MICU2: variants seen among roughly 807,000 people sequenced by gnomAD.
MICU2 encodes the protein calcium uptake protein 2, mitochondrial.
Under a neutral mutation model 60.4 loss-of-function variants are expected in MICU2, and 64 were observed. The observed-to-expected ratio is 1.06, with a 90% CI of 0.87 to 1.31. MICU2 has a LOEUF of 1.31. MICU2 is among the 50% of genes most tolerant of loss of function. The probability of loss-of-function intolerance (pLI) is 0.00; values close to 1 mark genes in which losing one functional copy is unlikely to be tolerated. For missense variants in MICU2, 569 were observed against 531.0 expected, an observed-to-expected ratio of 1.07 and a Z score of -0.70; for synonymous variants, 201 against 175.0, an observed-to-expected ratio of 1.15 and a Z score of -1.17.
intron 1 of MICU2, among the ~76,000 whole-genome samples, chr13:21,586,265 T>C (rs1566169689): frequency 6.6e-6 from 1 of 152,222 alleles, no homozygotes; most frequent in Non-Finnish European, 1.5e-5. Context: ...TCCGTTTTTT[T>C]CTTTAAGCCT....
intron 1 of MICU2, among the ~76,000 whole-genome samples, chr13:21,569,734 G>A (rs1888064902): frequency 6.6e-6 from 1 of 150,838 alleles, no homozygotes; most frequent in African/African-American, 2.4e-5. Context: ...GCAGAGCAGG[G>A]TGCTAATATC....
At chr13:21,602,439 G>T (rs1007581574) in intron 1 of MICU2, among the ~76,000 whole-genome samples, 2 of 152,210 alleles carry the variant, frequency 1.3e-5, no homozygotes, top group East Asian at 1.9e-4. Context: ...GGAGAATGGC[G>T]TGAACCCGGG....
At chr13:21,519,736 C>T (rs1045300116) in intron 6 of MICU2, among the ~76,000 whole-genome samples, 1 of 152,166 alleles carries the variant, frequency 6.6e-6, no homozygotes, top group African/African-American at 2.4e-5. Flanking sequence ...CCAACATTTC[C>T]AAGCTCAGAG....
chr13:21,542,441 TA>T (rs2138005219), intron 2 of MICU2, among the ~76,000 whole-genome samples: 1 of 152,240 alleles, frequency 6.6e-6, no homozygotes, highest in African/African-American at 2.4e-5. Context: ...CAATGTAGGG[TA>T]GGGGGACACT....
intron 1 of MICU2, among the ~76,000 whole-genome samples, chr13:21,579,075 CA>C (rs1181792114): frequency 2.6e-5 from 4 of 152,124 alleles, no homozygotes; most frequent in Non-Finnish European, 5.9e-5. Context: ...AGTACATTAA[CA>C]GACTGTAATG....
chr13:21,577,804 C>CA (rs56200015), intron 1 of MICU2, among the ~76,000 whole-genome samples: 9,706 of 46,526 alleles, frequency 0.21, 1,165 homozygotes, highest in African/African-American at 0.31. Flanking sequence ...GACTCGGTCT[C>CA]AAAAAAAAAA....
chr13:21,525,686 CCTTTTCATGTG>C (rs1447095463), intron 4 of MICU2, among the ~76,000 whole-genome samples: 2 of 151,552 alleles, frequency 1.3e-5, no homozygotes. Flanking sequence ...ACGTTGAGTA[CCTTTTCATGTG>C]CTTTTCATGT....
chr13:21,554,773 G>A (rs1887660930), intron 2 of MICU2, among the ~76,000 whole-genome samples: 1 of 151,998 alleles, frequency 6.6e-6, no homozygotes, highest in Non-Finnish European at 1.5e-5. Flanking sequence ...TTGATAGACC[G>A]CTAGCAAGAC....
At chr13:21,554,742 T>G (rs1311851908) in intron 2 of MICU2, among the ~76,000 whole-genome samples, 1 of 152,144 alleles carries the variant, frequency 6.6e-6, no homozygotes, top group East Asian at 1.9e-4. Context: ...AGGAGCTGGT[T>G]TTTTGAAAAG....
Position 21,566,915 on chromosome 13 carries a change from AAT to A in MICU2, c.238_239del (p.Ile80TrpfsTer7). On this transcript the variant is annotated frameshift_variant, in exon 2 of 12. Coordinates refer to ENST00000382374, the MANE Select transcript of MICU2 (RefSeq NM_152726.3). LOFTEE classifies it high-confidence loss of function. ...GCTGCTTACGAAGAGACGGTTTCCC[AAT>A]ATATATTATTCCATGTTCAACATTT... ...QKNVEHGIIY[I>X]GKPSLRKQRF... The A allele has an allele frequency of 6.2e-7, 1 of 1,603,508 alleles. No homozygotes were observed. The highest frequency in any genetic ancestry group is 8.5e-7 in the Non-Finnish European group (1 of 1,177,420).
intron 9 of MICU2, among the ~76,000 whole-genome samples, chr13:21,497,327 T>C (rs1886026264): frequency 6.7e-6 from 1 of 149,954 alleles, no homozygotes; most frequent in Non-Finnish European, 1.5e-5. Context: ...ATCGCGCCAC[T>C]GCACTCCAGC....
At chr13:21,550,524 T>C (rs1005380330) in intron 2 of MICU2, among the ~76,000 whole-genome samples, 2 of 152,094 alleles carry the variant, frequency 1.3e-5, no homozygotes, top group Non-Finnish European at 2.9e-5. Flanking sequence ...GACCACAGAG[T>C]AAGACGCTAT....
chr13:21,588,325 A>G (rs1204095133), intron 1 of MICU2, among the ~76,000 whole-genome samples: 1 of 152,222 alleles, frequency 6.6e-6, no homozygotes, highest in Non-Finnish European at 1.5e-5. Context: ...GGCAGGCCAG[A>G]GGCCCAAACT....
intron 1 of MICU2, among the ~76,000 whole-genome samples, chr13:21,571,479 C>T (rs1396438627): frequency 6.6e-6 from 1 of 152,128 alleles, no homozygotes; most frequent in Non-Finnish European, 1.5e-5. Flanking sequence ...GGGTGGATCA[C>T]GAGGTCAGGA....
chr13:21,582,655 A>G (rs1888372111), intron 1 of MICU2, among the ~76,000 whole-genome samples: 1 of 152,120 alleles, frequency 6.6e-6, no homozygotes, highest in African/African-American at 2.4e-5. Flanking sequence ...ACTCATTCTA[A>G]TTACCTGCTC....
intron 2 of MICU2, among the ~76,000 whole-genome samples, chr13:21,551,923 A>T (rs1228029225): frequency 6.6e-6 from 1 of 152,056 alleles, no homozygotes; most frequent in Non-Finnish European, 1.5e-5. Context: ...TAGCAGCATG[A>T]TTTATAATCC....
intron 8 of MICU2, among the ~76,000 whole-genome samples, chr13:21,504,232 G>A (rs2138139710): frequency 6.6e-6 from 1 of 152,092 alleles, no homozygotes; most frequent in East Asian, 1.9e-4. Flanking sequence ...TTATTTTGTT[G>A]AGTTTTCCTG....
intron 1 of MICU2, among the ~76,000 whole-genome samples, chr13:21,590,701 A>G (rs1484044064): frequency 6.6e-6 from 1 of 152,164 alleles, no homozygotes; most frequent in East Asian, 1.9e-4. Flanking sequence ...TAAAAATACA[A>G]AAAATTAGCT....
intron 4 of MICU2, among the ~76,000 whole-genome samples, chr13:21,534,611 G>T (rs538536837): frequency 6.6e-6 from 1 of 152,094 alleles, no homozygotes; most frequent in Non-Finnish European, 1.5e-5. Flanking sequence ...TACACAGAAA[G>T]GCTAAAAGTG....
Sources: allele counts gnomAD v4.1 joint callset (sites outside exome capture counted in the v4.1 genomes callset), GRCh38; gene constraint gnomAD v4.1.1; transcripts MANE v1.5; gene names NCBI Gene and HGNC (gene_info 2026-07-23, HGNC 2026-07-21).